DNAH7: variants seen among roughly 807,000 people sequenced by gnomAD.
The protein encoded by DNAH7 is axonemal beta dynein heavy chain 7.
A neutral mutation model predicts 444.6 loss-of-function variants in DNAH7; 397 were observed. The observed-to-expected ratio is 0.89, with a 90% CI of 0.82 to 0.97. The LOEUF is 0.97. DNAH7 is among the 50% of genes least tolerant of loss of function. The probability of loss-of-function intolerance (pLI) is 0.00; values close to 1 mark genes in which losing one functional copy is unlikely to be tolerated. For synonymous variants in DNAH7, 1,636 were observed against 1,624.4 expected, an observed-to-expected ratio of 1.01 and a Z score of -0.17; for missense variants, 4,902 against 4,800.8, an observed-to-expected ratio of 1.02 and a Z score of -0.62.
rs1346402708 is a variant in DNAH7, at chr2:195,855,841, A to C, written c.8565T>G (p.Asn2855Lys). Residue 2855 changes from asparagine to lysine, a missense_variant, in exon 45 of 65, where the codon AAT (asparagine) becomes AAG (lysine). Asn to Lys is a moderately conservative substitution (Grantham distance 94). Coordinates refer to ENST00000312428, the MANE Select transcript of DNAH7 (RefSeq NM_018897.3). ...TTTCCAGGTCAGCCTTCTTTTGTTT[A>C]TTTAATTCAAGTGTGTCTTGAAGCC... ...LARLQDTLELNKQKKADLENQ... is the reference protein window; with the variant it reads ...LARLQDTLELKKQKKADLENQ... The C allele has an allele frequency of 1.9e-6, 3 of 1,613,498 alleles. No homozygotes were observed. The East Asian group carries it at 6.7e-5, about 36-fold the overall frequency.
chr2:195,942,426 GGAA>G (rs1369731870), intron 19 of DNAH7, among the ~76,000 whole-genome samples: 1 of 151,104 alleles, frequency 6.6e-6, no homozygotes, highest in East Asian at 1.9e-4. Flanking sequence ...AGAGGAAGAA[GGAA>G]GAAGATGAAG....
At chr2:195,754,660 A>T in intron 62 of DNAH7, 146 bp from the exon 63 acceptor site, 2 of 727,134 alleles carry the variant, frequency 2.8e-6, no homozygotes. Context: ...ACAGGCACAT[A>T]CCACCATGCC....
intron 12 of DNAH7, chr2:195,995,302 G>C (rs1014691183): frequency 8.3e-6 from 4 of 484,636 alleles, no homozygotes; most frequent in Non-Finnish European, 1.6e-5. Context: ...TGTACTTTTA[G>C]CAGTTTTTCT....
At chr2:195,814,831 C>T (rs1419617608) in intron 51 of DNAH7, among the ~76,000 whole-genome samples, 1 of 151,938 alleles carries the variant, frequency 6.6e-6, no homozygotes, top group Non-Finnish European at 1.5e-5. Context: ...GCCTCAACCT[C>T]CTGGGCTCAA....
chr2:195,754,604 G>T, intron 62 of DNAH7, 90 bp from the exon 63 acceptor site: 4 of 1,328,878 alleles, frequency 3.0e-6, no homozygotes, highest in Non-Finnish European at 4.1e-6. Flanking sequence ...TGCCCAGGCA[G>T]GGCTCAGGTG....
At chr2:196,034,869 G>GT (rs1696285398) in intron 5 of DNAH7, among the ~76,000 whole-genome samples, 1 of 152,126 alleles carries the variant, frequency 6.6e-6, no homozygotes, top group Non-Finnish European at 1.5e-5. Context: ...GCATGTAAAC[G>GT]TAAGAGTTAA....
At chr2:196,026,360 G>A (rs1378445773) in intron 7 of DNAH7, among the ~76,000 whole-genome samples, 2 of 152,000 alleles carry the variant, frequency 1.3e-5, no homozygotes, top group African/African-American at 2.4e-5. Context: ...TACACTTTTA[G>A]GTAATTATTT....
At chr2:195,847,648 AAAAAAAAAC>A (rs971915618) in intron 46 of DNAH7, among the ~76,000 whole-genome samples, 3 of 151,166 alleles carry the variant, frequency 2.0e-5, no homozygotes, top group African/African-American at 4.9e-5. Context: ...CTAAAAGTTA[AAAAAAAAAC>A]AAAAAAAACA....
chr2:195,838,224 A>G (rs1698484890), intron 47 of DNAH7, among the ~76,000 whole-genome samples: 1 of 152,150 alleles, frequency 6.6e-6, no homozygotes, highest in African/African-American at 2.4e-5. Context: ...GAGTTATTTG[A>G]CTGCTAAACC....
At chr2:195,863,753 C>T (rs190689900) in intron 41 of DNAH7, among the ~76,000 whole-genome samples, 1 of 152,268 alleles carries the variant, frequency 6.6e-6, no homozygotes, top group Admixed American at 6.5e-5. Context: ...GTTATAGTAA[C>T]ACTTCCTGCT....
In DNAH7 at chr2:195,754,388, A is replaced by C; in HGVS notation, c.11713T>G (p.Phe3905Val). The change falls in exon 63 of 65, where the codon TTT (phenylalanine) becomes GTT (valine). Residue 3905 changes from phenylalanine (F) to valine (V), a missense_variant. By Grantham distance (50) the Phe-to-Val change is conservative. Transcript: ENST00000312428. ...KYTIPIDLLG[F>V]DYEVMEDKEY... The stretch of plus-strand genomic sequence containing the variant: ...TTGTCTTCCATCACTTCATAGTCAA[A>C]CCCAAGAAGATCAATAGGAATTGTG... The C allele has an allele frequency of 6.2e-7, 1 of 1,613,886 alleles. No individual in the cohort carries two copies. The highest frequency in any genetic ancestry group is 1.3e-5 in the African/African-American group (1 of 74,980).
chr2:196,052,990 G>A (rs1056186801), intron 2 of DNAH7, among the ~76,000 whole-genome samples: 11 of 152,148 alleles, frequency 7.2e-5, no homozygotes, highest in African/African-American at 2.2e-4. Flanking sequence ...GTCCATAGTC[G>A]TGGAAAGGAC....
chr2:195,856,601 T>G (rs1202540571), intron 44 of DNAH7, among the ~76,000 whole-genome samples: 1 of 152,206 alleles, frequency 6.6e-6, no homozygotes, highest in Non-Finnish European at 1.5e-5. Context: ...TTGAAAAACA[T>G]CCTATGACAG....
At position 195,855,796 on chromosome 2, in the gene DNAH7, T is replaced by C. The variant is rs1275508505; in HGVS notation, c.8595+15A>G. 17 of 1,608,116 alleles carry C rather than the reference T, an allele frequency of 1.1e-5. No homozygotes were observed. The Admixed American group carries it at 2.9e-4, about 27-fold the overall frequency. ...AACTGAGAATTTGTCCATCTTTTTC[T>C]ATATCAGCACACACCTGGTTTTCCA... On this transcript the variant is annotated intron_variant, in intron 45 of 64. Transcript: ENST00000312428.
chr2:196,057,355 T>C (rs1337483019), intron 2 of DNAH7, among the ~76,000 whole-genome samples: 1 of 152,172 alleles, frequency 6.6e-6, no homozygotes, highest in Non-Finnish European at 1.5e-5. Flanking sequence ...TAAATTTAAA[T>C]TTAACACGCC....
intron 40 of DNAH7, among the ~76,000 whole-genome samples, chr2:195,866,183 T>A (rs973754546): frequency 6.6e-6 from 1 of 152,122 alleles, no homozygotes; most frequent in African/African-American, 2.4e-5. Context: ...ACCTCGCAAA[T>A]CTCATAGATT....
At chr2:195,926,723 T>C (rs1688359754) in intron 21 of DNAH7, among the ~76,000 whole-genome samples, 157 bp from the exon 22 acceptor site, 1 of 152,178 alleles carries the variant, frequency 6.6e-6, no homozygotes, top group Non-Finnish European at 1.5e-5. Context: ...TACAACTAAT[T>C]ATATTCAAGT....
chr2:195,926,023 G>A (rs1292851101), intron 22 of DNAH7, among the ~76,000 whole-genome samples: 1 of 151,970 alleles, frequency 6.6e-6, no homozygotes, highest in Admixed American at 6.6e-5. Context: ...GTCACAATAA[G>A]TCAACTGGAG....
In DNAH7 at chr2:196,068,750, T is replaced by C. The variant is rs1403892747; in HGVS notation, c.-39A>G. The stretch of plus-strand genomic sequence containing the variant: ...CGCTGGCCTCACCGGTGCTTCTGGG[T>C]TGCTCCTGCCCGCGGAACCCCTAGG... On this transcript the variant is annotated 5_prime_UTR_variant, in exon 1 of 65. Transcript: ENST00000312428. 1.9e-6 allele frequency: 3 copies of C among 1,549,372 alleles called. No homozygotes were observed. The African/African-American group carries it at 4.1e-5, about 21-fold the overall frequency.
Sources: gnomAD v4.1 joint callset for allele counts (sites outside exome capture counted in the v4.1 genomes callset) on GRCh38, gnomAD v4.1.1 for gene constraint, MANE v1.5 for transcripts, NCBI Gene and HGNC (gene_info 2026-07-23, HGNC 2026-07-21) for gene names.